FUT8: variants seen among roughly 807,000 people sequenced by gnomAD.
The protein encoded by FUT8 is alpha-(1,6)-fucosyltransferase.
A neutral mutation model predicts 71.3 loss-of-function variants in FUT8; 29 were observed. That is an observed-to-expected ratio of 0.41 (90% CI 0.30 to 0.55). The LOEUF (loss-of-function observed/expected upper bound fraction) is 0.55. FUT8 is among the 20% of genes least tolerant of loss of function. The probability of loss-of-function intolerance (pLI) is 0.34; values close to 1 mark genes in which losing one functional copy is unlikely to be tolerated. For missense variants in FUT8, 544 were observed against 702.1 expected (o/e 0.77, Z 2.55); for synonymous variants, 254 against 239.3 (o/e 1.06, Z -0.57).
intron 2 of FUT8, among the ~76,000 whole-genome samples, chr14:65,525,287 C>T (rs1883373618): frequency 1.3e-5 from 2 of 152,100 alleles, no homozygotes; most frequent in Non-Finnish European, 2.9e-5. Flanking sequence ...CTGGTTTAGT[C>T]TTGGGAGGGT....
rs896775771 is a variant in FUT8, at chr14:65,586,564, G to A, written c.203+24798G>A. On this transcript the variant is annotated intron_variant, in intron 3 of 10. Transcript: ENST00000673929. ...AATGTATTTGATATAAAGTTTAACC[G>A]TGAAGAATAGCATGCCAACAAAATT... is the stretch of plus-strand genomic sequence containing the variant. 1.6e-4 allele frequency among the ~76,000 whole-genome samples: 25 copies of A among 152,132 alleles called. 1 individual carries two copies. Among genetic ancestry groups the A allele is most frequent in the Admixed American group, 1.3e-3 (20 of 15,278 alleles).
At chr14:65,481,470 C>G (rs536765645) in intron 2 of FUT8, among the ~76,000 whole-genome samples, 1 of 151,638 alleles carries the variant, frequency 6.6e-6, no homozygotes, top group African/African-American at 2.4e-5. Context: ...AACAGCTTTG[C>G]TGAGGTGTGA....
intron 1 of FUT8, among the ~76,000 whole-genome samples, chr14:65,441,864 A>G (rs1274418930): frequency 6.7e-6 from 1 of 149,760 alleles, no homozygotes; most frequent in Non-Finnish European, 1.5e-5. Flanking sequence ...TTTGTTACAT[A>G]TGTATACATG....
intron 7 of FUT8, among the ~76,000 whole-genome samples, chr14:65,687,216 A>C (rs939104568): frequency 6.6e-6 from 1 of 152,070 alleles, no homozygotes; most frequent in Non-Finnish European, 1.5e-5. Flanking sequence ...ATCCTTAATA[A>C]TTTTACCAGT....
chr14:65,380,408 C>T, the FUT8 span, among the ~76,000 whole-genome samples: 2 of 152,138 alleles, frequency 1.3e-5, no homozygotes. Context: ...CAAACTGTAT[C>T]ACACATTAAA....
At chr14:65,722,668 A>G (rs1895477168) in intron 8 of FUT8, among the ~76,000 whole-genome samples, 1 of 152,204 alleles carries the variant, frequency 6.6e-6, no homozygotes, top group South Asian at 2.1e-4. Context: ...TATAGAGCCC[A>G]CTGAACAATT....
chr14:65,504,803 C>T (rs764545724), intron 2 of FUT8, among the ~76,000 whole-genome samples: 1 of 152,134 alleles, frequency 6.6e-6, no homozygotes, highest in Non-Finnish European at 1.5e-5. Flanking sequence ...ATCTGCCCGC[C>T]TTGGCCTCCC....
intron 3 of FUT8, among the ~76,000 whole-genome samples, chr14:65,585,496 G>A (rs1887334509): frequency 6.6e-6 from 1 of 152,148 alleles, no homozygotes; most frequent in African/African-American, 2.4e-5. Flanking sequence ...TGGAATGATT[G>A]ATTTGAAATG....
intron 2 of FUT8, among the ~76,000 whole-genome samples, chr14:65,493,644 C>T (rs576203251): frequency 6.0e-4 from 91 of 152,064 alleles, no homozygotes; most frequent in Non-Finnish European, 1.1e-3. Context: ...ATAGTATTTA[C>T]CCTCTGTTAC....
At chr14:65,709,570 C>T (rs1373971767) in intron 7 of FUT8, among the ~76,000 whole-genome samples, 1 of 152,072 alleles carries the variant, frequency 6.6e-6, no homozygotes, top group Non-Finnish European at 1.5e-5. Flanking sequence ...TGAACAGGTA[C>T]TGTGAATTTT....
chr14:65,548,534 G>A (rs1885105733), intron 2 of FUT8, among the ~76,000 whole-genome samples: 1 of 151,670 alleles, frequency 6.6e-6, no homozygotes, highest in African/African-American at 2.4e-5. Flanking sequence ...TAAAGCTGCT[G>A]CAAACATTTG....
intron 5 of FUT8, chr14:65,617,071 A>G (rs1378104210): frequency 1.3e-6 from 2 of 1,583,146 alleles, no homozygotes; most frequent in African/African-American, 2.7e-5. Context: ...TTATATTTAA[A>G]AGTCTATGTT....
intron 2 of FUT8, among the ~76,000 whole-genome samples, chr14:65,544,060 A>G (rs139196214): frequency 2.2e-4 from 33 of 152,264 alleles, no homozygotes; most frequent in Non-Finnish European, 3.8e-4. Flanking sequence ...ATGTGTCGTA[A>G]TTGATACTAG....
At chr14:65,431,293 G>A (rs2065469951) in intron 1 of FUT8, among the ~76,000 whole-genome samples, 4 of 118,216 alleles carry the variant, frequency 3.4e-5, no homozygotes, top group Admixed American at 1.1e-4. Context: ...GAGCCACTGC[G>A]CCGGCCTTTT....
chr14:65,494,257 CAATT>C (rs934204720), intron 2 of FUT8, among the ~76,000 whole-genome samples: 4 of 152,030 alleles, frequency 2.6e-5, no homozygotes, highest in Non-Finnish European at 5.9e-5. Flanking sequence ...ATAAAAATAT[CAATT>C]AGAGTTTTAC....
chr14:65,707,435 T>C (rs1355387547), intron 7 of FUT8, among the ~76,000 whole-genome samples: 1 of 152,162 alleles, frequency 6.6e-6, no homozygotes. Context: ...AATTTTTTTT[T>C]CCAATTCATG....
the FUT8 span, among the ~76,000 whole-genome samples, chr14:65,369,648 A>C: frequency 2.6e-5 from 4 of 152,312 alleles, no homozygotes; most frequent in African/African-American, 9.6e-5. This position sits in a 1 kb window ranked among gnomAD's most constrained non-coding sequence, Gnocchi z 4.6. Context: ...AATGCATTAC[A>C]TGCTAAGACT....
chr14:65,566,933 C>G (rs989107761), intron 3 of FUT8, among the ~76,000 whole-genome samples: 1 of 151,880 alleles, frequency 6.6e-6, no homozygotes, highest in Non-Finnish European at 1.5e-5. Context: ...CATGTTGCTT[C>G]CTAGAGTTGA....
chr14:65,648,159 G>C (rs1406968350), intron 6 of FUT8, among the ~76,000 whole-genome samples: 2 of 152,206 alleles, frequency 1.3e-5, no homozygotes, highest in Non-Finnish European at 1.5e-5. Flanking sequence ...GGCTACAGTT[G>C]CAAAGTTGAA....
Sources: gnomAD v4.1 joint callset for allele counts (sites outside exome capture counted in the v4.1 genomes callset) on GRCh38, gnomAD v4.1.1 for gene constraint, Gnocchi (gnomAD v3.1) non-coding constraint, MANE v1.5 for transcripts, NCBI Gene and HGNC (gene_info 2026-07-23, HGNC 2026-07-21) for gene names.